HOGA1: variants seen among roughly 807,000 people sequenced by gnomAD.
HOGA1 encodes 4-hydroxy-2-oxoglutarate aldolase 1, also known as 4-hydroxy-2-oxoglutarate aldolase, mitochondrial.
HOGA1 carries 30 observed loss-of-function variants against 34.3 expected under a neutral mutation model. The observed-to-expected ratio is 0.87, with a 90% CI of 0.65 to 1.19. The LOEUF (loss-of-function observed/expected upper bound fraction) is 1.19, where lower values mean the gene tolerates loss of function less well. HOGA1 is among the 50% of genes most tolerant of loss of function. The pLI, the probability that HOGA1 is intolerant of heterozygous loss-of-function variation, is 0.00. For missense variants in HOGA1, 417 were observed against 436.5 expected (o/e 0.96, Z 0.40); for synonymous variants, 161 against 174.0 (o/e 0.93, Z 0.59).
intron 3 of HOGA1, 26 bp from the exon 4 acceptor site, chr10:97,599,654 G>A: frequency 1.9e-6 from 3 of 1,613,372 alleles, no homozygotes; most frequent in South Asian, 1.1e-5. Context: ...GCCCTCTCCT[G>A]CTTTTCTCTG....
chr10:97,592,404 C>T (rs1000793026), intron 1 of HOGA1, among the ~76,000 whole-genome samples: 8 of 151,832 alleles, frequency 5.3e-5, no homozygotes, highest in African/African-American at 1.9e-4. Flanking sequence ...CCACGCCTGG[C>T]TAATTTTTTC....
rs1589907801 is a variant in HOGA1 at position 97,599,015 on chromosome 10, G to A, written c.341-74G>A. The stretch of plus-strand genomic sequence containing the variant: ...TCTGCCTCTTCTGGGACATGCTGAG[G>A]CACCTTCGCTTGGCCCAGTGTCCTG... On this transcript the variant is annotated intron_variant, in intron 2 of 6. Transcript: ENST00000370646. 31 of 1,607,638 alleles carry A rather than the reference G, an allele frequency of 1.9e-5. No homozygotes were observed. In the East Asian group the frequency reaches 6.9e-4, roughly 36 times the overall value.
chr10:97,598,649 G>A, intron 1 of HOGA1, 126 bp from the exon 2 acceptor site: 1 of 1,225,380 alleles, frequency 8.2e-7, no homozygotes. Flanking sequence ...AGCTGTGTGG[G>A]AACCTTCTGT....
intron 1 of HOGA1, chr10:97,590,078 C>G (rs749580947): frequency 6.2e-7 from 1 of 1,614,182 alleles, no homozygotes. Context: ...CAATGCTACC[C>G]AGACTGAGAG....
intron 1 of HOGA1, among the ~76,000 whole-genome samples, chr10:97,591,299 C>G (rs1051165661): frequency 3.9e-5 from 6 of 152,134 alleles, no homozygotes; most frequent in African/African-American, 1.2e-4. Context: ...CAAGGCAGTT[C>G]TCTCACCAGC....
At chr10:97,604,431 C>T (rs2041142454) in intron 6 of HOGA1, among the ~76,000 whole-genome samples, 1 of 152,148 alleles carries the variant, frequency 6.6e-6, no homozygotes, top group Non-Finnish European at 1.5e-5. Context: ...AAGCAATCCT[C>T]CCAGCTTATC....
chr10:97,606,993 T>G (rs577854003), intron 6 of HOGA1, among the ~76,000 whole-genome samples: 1 of 151,762 alleles, frequency 6.6e-6, no homozygotes, highest in South Asian at 2.1e-4. Flanking sequence ...AAGGATCTGG[T>G]GCAGAGTGGC....
intron 6 of HOGA1, chr10:97,602,269 C>T: frequency 7.1e-7 from 1 of 1,409,418 alleles, no homozygotes; most frequent in Non-Finnish European, 9.4e-7. Context: ...TGCATTGAAA[C>T]AAACATCCTG....
chr10:97,599,481 C>T, intron 3 of HOGA1, 199 bp from the exon 4 acceptor site: 1 of 774,624 alleles, frequency 1.3e-6, no homozygotes, highest in Non-Finnish European at 2.2e-6. Flanking sequence ...GGCCTTAGAA[C>T]TGTGCGTGGC....
chr10:97,585,589 C>G lies in HOGA1; in HGVS notation c.211+675C>G, dbSNP rs562109497. On this transcript the variant is annotated intron_variant, in intron 1 of 6. Coordinates refer to ENST00000370646, the MANE Select transcript of HOGA1 (RefSeq NM_138413.4). ...CTGCACAATCCCCTGAGGCAGTGCTCTCTGTAGGACCATCCCACAGATGGG... is the reference window on the plus strand; with the variant it reads ...CTGCACAATCCCCTGAGGCAGTGCTGTCTGTAGGACCATCCCACAGATGGG... Among the ~76,000 whole-genome samples, 3 of 152,338 alleles carry G rather than the reference C, an allele frequency of 2.0e-5. No individual in the cohort carries two copies. In the East Asian group the frequency reaches 5.8e-4, roughly 29 times the overall value.
intron 3 of HOGA1, 149 bp downstream of exon 3, chr10:97,599,365 T>C: frequency 4.4e-6 from 4 of 905,756 alleles, no homozygotes. Flanking sequence ...TTGGGAGGCT[T>C]ACCTGACCAC....
intron 5 of HOGA1, chr10:97,601,021 T>C (rs1301298562): frequency 2.0e-5 from 3 of 152,382 alleles, no homozygotes; most frequent in Non-Finnish European, 4.4e-5. Flanking sequence ...CACTGAGTAA[T>C]GCTGGGCAAA....
chr10:97,591,724 G>A (rs1419228021), intron 1 of HOGA1, among the ~76,000 whole-genome samples: 1 of 150,298 alleles, frequency 6.7e-6, no homozygotes, highest in Non-Finnish European at 1.5e-5. Context: ...TCTTGGGTTC[G>A]AGCGATCCTC....
rs2040951213 is a variant in HOGA1 at position 97,584,595 on chromosome 10, C to T, written c.-109C>T. The stretch of plus-strand genomic sequence containing the variant: ...CCCCAGTGGCCACAAGTCAGGGAGG[C>T]CGCAAATTTTTAACTAGAAACATTG... On this transcript the variant is annotated 5_prime_UTR_variant, in exon 1 of 7. Coordinates refer to ENST00000370646, the MANE Select transcript of HOGA1 (RefSeq NM_138413.4). 2.8e-6 allele frequency: 3 copies of T among 1,071,390 alleles called. No individual in the cohort carries two copies. The highest frequency in any genetic ancestry group is 1.6e-5 in the African/African-American group (1 of 63,844). The allele number at this position is 1,071,390 out of a possible 1,614,324, so 66.4% of individuals were successfully genotyped here. A position where few individuals can be genotyped will look rare whatever the true frequency, so the allele number is the denominator to read the frequency against.
At chr10:97,610,785 G>T (rs2041188995) in intron 6 of HOGA1, among the ~76,000 whole-genome samples, 1 of 151,770 alleles carries the variant, frequency 6.6e-6, no homozygotes, top group Admixed American at 6.6e-5. Context: ...GGGTGACAGA[G>T]CAAGACTGTC....
chr10:97,598,651 A>C (rs1032363763), intron 1 of HOGA1, 124 bp from the exon 2 acceptor site: 1 of 1,236,776 alleles, frequency 8.1e-7, no homozygotes, highest in East Asian at 2.3e-5. Context: ...CTGTGTGGGA[A>C]CCTTCTGTCT....
Position 97,601,854 on chromosome 10 carries a change from C to T in HOGA1, c.701-3C>T. ...CTGATGTTCTGCGTCTTACTTCGTGCAGGAGCTGTGGGGGGCGTCTGCGCC... is the reference window on the plus strand; with the variant it reads ...CTGATGTTCTGCGTCTTACTTCGTGTAGGAGCTGTGGGGGGCGTCTGCGCC... On this transcript the variant is annotated splice_polypyrimidine_tract_variant and splice_region_variant and intron_variant, in intron 5 of 6. Transcript: ENST00000370646. The T allele has an allele frequency of 1.2e-6, 2 of 1,612,274 alleles. No individual in the cohort carries two copies. The highest frequency in any genetic ancestry group is 2.2e-5 in the South Asian group (2 of 90,986).
chr10:97,599,751 G>C lies in HOGA1; in HGVS notation c.540G>C (p.Val180=). The part of the protein sequence containing the change: ...VPANTGLDLP[V]DAVVTLSQHP... ...CCAACACAGGGCTGGACCTGCCTGT[G>C]GATGCAGTGGTCACGCTTTCCCAGC... is the stretch of plus-strand genomic sequence containing the variant. The change falls in exon 4 of 7, where the codon GTG becomes GTC. Residue 180 remains valine (V), a synonymous_variant. Coordinates refer to ENST00000370646, the MANE Select transcript of HOGA1 (RefSeq NM_138413.4). 2 of 1,614,210 alleles carry C rather than the reference G, an allele frequency of 1.2e-6. No homozygotes were observed. The highest frequency in any genetic ancestry group is 1.3e-5 in the African/African-American group (1 of 75,056).
Position 97,599,193 on chromosome 10 carries a change from GC to G in HOGA1, c.448del (p.Leu150SerfsTer46), listed in dbSNP as rs746776892. 5.6e-6 allele frequency: 9 copies of G among 1,613,870 alleles called. No individual in the cohort carries two copies. In the African/African-American group the frequency reaches 1.2e-4, roughly 22 times the overall value. ...CTATCGTGGCCGCATGAGCAGTGCGGCCCTCATTCACCACTACACCAAGGTG... is the reference window on the plus strand; with the variant it reads ...CTATCGTGGCCGCATGAGCAGTGCGGCCTCATTCACCACTACACCAAGGTG... ...CYYRGRMSSA[A>X]LIHHYTKVAD... On this transcript the variant is annotated frameshift_variant, in exon 3 of 7. Coordinates refer to ENST00000370646, the MANE Select transcript of HOGA1 (RefSeq NM_138413.4). LOFTEE classifies it high-confidence loss of function.
Sources: allele counts gnomAD v4.1 joint callset (sites outside exome capture counted in the v4.1 genomes callset), GRCh38; gene constraint gnomAD v4.1.1; transcripts MANE v1.5; gene names NCBI Gene and HGNC (gene_info 2026-07-23, HGNC 2026-07-21).